CCDC141: variants seen among roughly 807,000 people sequenced by gnomAD.
The protein encoded by CCDC141 is coiled-coil domain-containing protein 141.
CCDC141 carries 168 observed loss-of-function variants against 181.0 expected under a neutral mutation model. The observed-to-expected ratio is 0.93, with a 90% confidence interval of 0.82 to 1.05. The LOEUF (loss-of-function observed/expected upper bound fraction) is 1.05. Ranked by LOEUF, CCDC141 falls within the 50% of genes least tolerant of loss-of-function variation. The pLI is 0.00. For missense variants in CCDC141, 1,902 were observed against 1,788.5 expected, an observed-to-expected ratio of 1.06 and a Z score of -1.14; for synonymous variants, 666 against 642.3, an observed-to-expected ratio of 1.04 and a Z score of -0.56.
intron 4 of CCDC141, among the ~76,000 whole-genome samples, chr2:178,969,813 T>C (rs540244268): frequency 6.6e-6 from 1 of 152,302 alleles, no homozygotes; most frequent in Non-Finnish European, 1.5e-5. Context: ...GGTATTCAAA[T>C]AGGAAGAGAA....
intron 6 of CCDC141, among the ~76,000 whole-genome samples, chr2:178,940,803 T>C (rs961422289): frequency 2.0e-5 from 3 of 152,166 alleles, no homozygotes; most frequent in Non-Finnish European, 4.4e-5. Context: ...TTTAAAAAAA[T>C]ACTGCTACTT....
At chr2:178,878,290 T>TATTC (rs1686440008) in intron 11 of CCDC141, 147 bp from the exon 12 acceptor site, 1 of 225,886 alleles carries the variant, frequency 4.4e-6, no homozygotes, top group Admixed American at 7.7e-5. Context: ...TTTATTTATT[T>TATTC]ATTTATTTAT....
intron 5 of CCDC141, among the ~76,000 whole-genome samples, chr2:178,957,184 C>G (rs184214045): frequency 2.8e-4 from 43 of 152,226 alleles, no homozygotes; most frequent in Admixed American, 2.2e-3. Context: ...AGAAAGCTTT[C>G]ATAAGTTGTA....
At position 178,932,095 on chromosome 2, in the gene CCDC141, C is replaced by G. The variant is rs1689122526; in HGVS notation, c.897+12440G>C. Among the ~76,000 whole-genome samples the G allele has an allele frequency of 2.0e-5, 3 of 152,012 alleles. No individual in the cohort carries two copies. The South Asian group carries it at 6.2e-4, about 32-fold the overall frequency. On this transcript the variant is annotated intron_variant, in intron 6 of 23. Coordinates refer to ENST00000443758, the MANE Select transcript of CCDC141 (RefSeq NM_173648.4). ...AATTGCTTGAACCTAGGAGGCAGAG[C>G]CTGAATAAGCCATGATTGTGCCACT...
Position 178,837,510 on chromosome 2 carries a change from G to T in CCDC141, c.3709C>A (p.Pro1237Thr). 6.2e-7 allele frequency: 1 copy of T among 1,614,036 alleles called. No individual in the cohort carries two copies. The highest frequency in any genetic ancestry group is 8.5e-7 in the Non-Finnish European group (1 of 1,179,964). Reference protein sequence around the residue: ...LAPSDMEVEEPVSSSLSLHIS... With the variant: ...LAPSDMEVEETVSSSLSLHIS... The stretch of plus-strand genomic sequence containing the variant: ...TGAAGGCTGAGGGAGGAGCTGACAG[G>T]CTCTTCCACCTCCATGTCAGATGGT... Residue 1237 changes from proline to threonine, a missense_variant, in exon 23 of 24, where the codon CCT becomes ACT. Pro to Thr is a conservative substitution (Grantham distance 38). Coordinates refer to ENST00000443758, the MANE Select transcript of CCDC141 (RefSeq NM_173648.4).
intron 8 of CCDC141, among the ~76,000 whole-genome samples, chr2:178,895,049 T>C (rs779693377): frequency 7.2e-5 from 11 of 152,148 alleles, no homozygotes; most frequent in African/African-American, 2.4e-4. Context: ...ATTAGTATTA[T>C]GCCTTATAGA....
intron 2 of CCDC141, among the ~76,000 whole-genome samples, chr2:179,045,525 C>T (rs2043467473): frequency 1.3e-5 from 2 of 151,938 alleles, no homozygotes; most frequent in African/African-American, 2.4e-5. Context: ...GGGTATGTAC[C>T]CAGTAATGGG....
chr2:178,893,799 T>TCACA (rs56229236), intron 8 of CCDC141, among the ~76,000 whole-genome samples: 15 of 143,638 alleles, frequency 1.0e-4, no homozygotes, highest in Admixed American at 2.2e-4. Flanking sequence ...TCTCTCTCTC[T>TCACA]CACACACACA....
chr2:178,947,597 T>C (rs961627014), intron 5 of CCDC141, among the ~76,000 whole-genome samples: 1 of 152,076 alleles, frequency 6.6e-6, no homozygotes, highest in Non-Finnish European at 1.5e-5. Context: ...AGGCAGATCT[T>C]TGTGTGTGGT....
intron 2 of CCDC141, among the ~76,000 whole-genome samples, chr2:179,015,070 A>ATATAT (rs1351928766): frequency 1.3e-3 from 21 of 15,776 alleles, no homozygotes; most frequent in African/African-American, 4.1e-3. Context: ...AGACAGAGAT[A>ATATAT]TATATATATA....
At chr2:178,945,503 T>C (rs929862129) in intron 5 of CCDC141, among the ~76,000 whole-genome samples, 13 of 152,134 alleles carry the variant, frequency 8.5e-5, no homozygotes, top group African/African-American at 2.9e-4. Context: ...CACAGCCACA[T>C]AGTAAGTAGC....
chr2:178,967,103 T>G (rs1182724879), intron 4 of CCDC141, among the ~76,000 whole-genome samples: 1 of 151,828 alleles, frequency 6.6e-6, no homozygotes, highest in Non-Finnish European at 1.5e-5. Flanking sequence ...TGGGACTATG[T>G]GAAAAGACCA....
chr2:178,969,454 G>A (rs1438440505), intron 4 of CCDC141, among the ~76,000 whole-genome samples: 1 of 152,182 alleles, frequency 6.6e-6, no homozygotes, highest in Non-Finnish European at 1.5e-5. Flanking sequence ...TCCCTGGGAT[G>A]CAAGGCTGGT....
chr2:178,862,495 A>T, intron 17 of CCDC141, among the ~76,000 whole-genome samples: 1 of 152,238 alleles, frequency 6.6e-6, no homozygotes, highest in East Asian at 1.9e-4. Context: ...GTAAAGAATG[A>T]TGTTTCTGTG....
intron 5 of CCDC141, among the ~76,000 whole-genome samples, chr2:178,953,252 T>C (rs13020771): frequency 0.27 from 41,483 of 151,950 alleles, 5,701 homozygotes; most frequent in African/African-American, 0.31. Context: ...CTGGCTAACA[T>C]GGTGAAACTG....
At chr2:178,969,002 G>A (rs1035803739) in intron 4 of CCDC141, among the ~76,000 whole-genome samples, 2 of 149,514 alleles carry the variant, frequency 1.3e-5, no homozygotes, top group South Asian at 4.2e-4. Flanking sequence ...ATAAATTCCT[G>A]GACACATACA....
intron 19 of CCDC141, among the ~76,000 whole-genome samples, chr2:178,853,853 T>C (rs1014125306): frequency 9.2e-5 from 14 of 152,306 alleles, no homozygotes; most frequent in African/African-American, 3.4e-4. Context: ...AATAAAACTA[T>C]AAGAAAGTAA....
intron 2 of CCDC141, among the ~76,000 whole-genome samples, chr2:179,015,914 TCATATATATCA>T (rs1398321982): frequency 1.2e-4 from 17 of 142,462 alleles, no homozygotes; most frequent in African/African-American, 4.4e-4. Context: ...CATATATATC[TCATATATATCA>T]TATAATTTCA....
rs1226676436 is a variant in CCDC141, at chr2:178,945,774, A to C, written c.781-1123T>G. Among the ~76,000 whole-genome samples the C allele has an allele frequency of 2.0e-5, 3 of 152,046 alleles. No individual in the cohort carries two copies. In the East Asian group the frequency reaches 5.8e-4, roughly 29 times the overall value. On this transcript the variant is annotated intron_variant, in intron 5 of 23. Coordinates refer to ENST00000443758, the MANE Select transcript of CCDC141 (RefSeq NM_173648.4). ...TCTCTGAAATCCTATAACATGGAGA[A>C]ATGTGTACAACAGGTAGCCAAGGAG...
Sources: gnomAD v4.1 joint callset for allele counts (sites outside exome capture counted in the v4.1 genomes callset) on GRCh38, gnomAD v4.1.1 for gene constraint, MANE v1.5 for transcripts, NCBI Gene and HGNC (gene_info 2026-07-23, HGNC 2026-07-21) for gene names.